Variants in AGBL4 observed in about 807,000 individuals in gnomAD.
AGBL4 encodes cytosolic carboxypeptidase 6.
In AGBL4, 58 loss-of-function variants were observed where a neutral mutation model predicts 66.4. The ratio of observed to expected loss-of-function variants is 0.87; its 90% CI spans 0.71 to 1.09. The LOEUF (loss-of-function observed/expected upper bound fraction) is 1.09, where lower values mean the gene tolerates loss of function less well. AGBL4 is among the 50% of genes least tolerant of loss of function. The probability of loss-of-function intolerance (pLI) is 0.00; values close to 1 mark genes in which losing one functional copy is unlikely to be tolerated. For synonymous variants in AGBL4, 234 were observed against 222.9 expected (o/e 1.05, Z -0.44); for missense variants, 579 against 631.0 (o/e 0.92, Z 0.88).
At chr1:48,629,402 A>G (rs76140229) in intron 9 of AGBL4, among the ~76,000 whole-genome samples, 222 of 152,308 alleles carry the variant, frequency 1.5e-3, no homozygotes, top group African/African-American at 4.5e-3. Flanking sequence ...GGTGCTAATT[A>G]GATCTCAGAT....
intron 3 of AGBL4, among the ~76,000 whole-genome samples, chr1:49,515,970 A>G (rs1227590231): frequency 2.0e-5 from 3 of 151,250 alleles, no homozygotes; most frequent in Non-Finnish European, 4.4e-5. Context: ...GCACACCAAC[A>G]TGGCACATGT....
At chr1:49,432,790 T>TGTAA (rs1397829409) in intron 3 of AGBL4, among the ~76,000 whole-genome samples, 1 of 152,134 alleles carries the variant, frequency 6.6e-6, no homozygotes, top group African/African-American at 2.4e-5. Context: ...TCTCAAAAGT[T>TGTAA]GTAAGTGTCT....
At chr1:49,939,939 C>A (rs1311602922) in intron 1 of AGBL4, among the ~76,000 whole-genome samples, 1 of 152,070 alleles carries the variant, frequency 6.6e-6, no homozygotes. Flanking sequence ...AGAAAATTTT[C>A]GTAACCTACT....
intron 4 of AGBL4, among the ~76,000 whole-genome samples, chr1:49,208,000 A>G (rs2148248215): frequency 6.6e-6 from 1 of 152,206 alleles, no homozygotes; most frequent in East Asian, 1.9e-4. Flanking sequence ...ATTAATTATA[A>G]TAACAATAAT....
intron 5 of AGBL4, among the ~76,000 whole-genome samples, chr1:48,897,935 G>A (rs2211504): frequency 0.016 from 2,350 of 150,886 alleles, 38 homozygotes; most frequent in African/African-American, 0.041. Flanking sequence ...TCAGCCTCCC[G>A]ACTAGCTGGG....
chr1:49,361,010 C>A (rs1644124624), intron 3 of AGBL4, among the ~76,000 whole-genome samples: 2 of 151,952 alleles, frequency 1.3e-5, no homozygotes, highest in African/African-American at 4.8e-5. Flanking sequence ...GTTGGCCAGG[C>A]TGCTCTCGAA....
chr1:49,680,806 G>C (rs1646678154), intron 3 of AGBL4, among the ~76,000 whole-genome samples: 1 of 151,616 alleles, frequency 6.6e-6, no homozygotes. Context: ...TTCAGCTCCA[G>C]TCTCTTTCTC....
At chr1:49,194,415 GAGGTGA>G in intron 4 of AGBL4, among the ~76,000 whole-genome samples, 1 of 152,228 alleles carries the variant, frequency 6.6e-6, no homozygotes, top group East Asian at 1.9e-4. Context: ...TTTTACAAGT[GAGGTGA>G]CTTTCTTGTA....
intron 4 of AGBL4, among the ~76,000 whole-genome samples, chr1:49,067,116 C>T (rs1291392498): frequency 6.6e-6 from 1 of 152,032 alleles, no homozygotes; most frequent in African/African-American, 2.4e-5. Context: ...AGAAGTGTGT[C>T]CACAGAGAAA....
At chr1:48,653,303 T>G (rs1444033748) in intron 8 of AGBL4, 34 bp downstream of exon 8, 21 of 1,485,520 alleles carry the variant, frequency 1.4e-5, no homozygotes, top group African/African-American at 5.6e-5. Context: ...ATCCTATAAG[T>G]ACTTGCTTCC....
Position 49,065,296 on chromosome 1 carries a change from G to A in AGBL4, c.378-19496C>T, listed in dbSNP as rs139035353. Among the ~76,000 whole-genome samples the A allele has an allele frequency of 2.0e-5, 3 of 152,322 alleles. No individual in the cohort carries two copies. In the East Asian group the frequency reaches 5.8e-4, roughly 29 times the overall value. On this transcript the variant is annotated intron_variant, in intron 4 of 13. Transcript: ENST00000371839. ...GTGGATGATCACAGGAGACATAGGTGGGGTGATGACAGAAAGAATTAGGGT... is the reference window on the plus strand; with the variant it reads ...GTGGATGATCACAGGAGACATAGGTAGGGTGATGACAGAAAGAATTAGGGT...
intron 3 of AGBL4, among the ~76,000 whole-genome samples, chr1:49,280,302 C>A (rs1020629627): frequency 1.3e-5 from 2 of 152,160 alleles, no homozygotes; most frequent in African/African-American, 4.8e-5. Flanking sequence ...TGAGTATTAA[C>A]CCCATCTCCT....
At chr1:48,751,852 G>A (rs1455646186) in intron 6 of AGBL4, among the ~76,000 whole-genome samples, 1 of 152,178 alleles carries the variant, frequency 6.6e-6, no homozygotes, top group East Asian at 1.9e-4. Context: ...AGTCTAGGGA[G>A]AAAGGGGAAG....
chr1:49,284,263 A>G (rs1185490474), intron 3 of AGBL4, among the ~76,000 whole-genome samples: 1 of 152,178 alleles, frequency 6.6e-6, no homozygotes, highest in Non-Finnish European at 1.5e-5. Context: ...TTTCATATCC[A>G]GCCAAACTAA....
chr1:49,161,292 T>C (rs540012154), intron 4 of AGBL4, among the ~76,000 whole-genome samples: 21 of 152,150 alleles, frequency 1.4e-4, no homozygotes, highest in Non-Finnish European at 2.9e-4. Flanking sequence ...ACAGCTTCCC[T>C]TGGTTAGGAG....
At chr1:49,553,863 G>T (rs1213305880) in intron 3 of AGBL4, among the ~76,000 whole-genome samples, 1 of 152,090 alleles carries the variant, frequency 6.6e-6, no homozygotes, top group African/African-American at 2.4e-5. Flanking sequence ...TTTTGGCTGA[G>T]CATGGTGGGT....
intron 2 of AGBL4, chr1:49,842,254 T>C (rs1397968555): frequency 4.5e-6 from 2 of 443,592 alleles, no homozygotes; most frequent in Admixed American, 5.6e-5. Flanking sequence ...TGTACTATGA[T>C]GTAATGCTGG....
chr1:49,820,056 T>A (rs1465165692), intron 2 of AGBL4, among the ~76,000 whole-genome samples: 1 of 152,142 alleles, frequency 6.6e-6, no homozygotes, highest in Non-Finnish European at 1.5e-5. Context: ...CCTGCTTGTG[T>A]GAGACTTCCC....
At chr1:49,832,059 A>G (rs1333557084) in intron 2 of AGBL4, among the ~76,000 whole-genome samples, 1 of 151,624 alleles carries the variant, frequency 6.6e-6, no homozygotes, top group African/African-American at 2.4e-5. Context: ...GGTTAGTTAC[A>G]TATGTATACA....
Sources: allele counts gnomAD v4.1 joint callset (sites outside exome capture counted in the v4.1 genomes callset), GRCh38; gene constraint gnomAD v4.1.1; transcripts MANE v1.5; gene names NCBI Gene and HGNC (gene_info 2026-07-23, HGNC 2026-07-21).